FAM209A: variants seen among roughly 807,000 people sequenced by gnomAD.
FAM209A encodes the protein family with sequence similarity 209 member A, also known as protein FAM209A.
FAM209A carries 4 observed loss-of-function variants against 9.8 expected under a neutral mutation model. The observed-to-expected ratio is 0.41, with a 90% confidence interval of 0.20 to 0.94. FAM209A has a LOEUF of 0.94. Ranked by LOEUF, FAM209A falls within the 40% of genes least tolerant of loss-of-function variation. The pLI is 0.32. For missense variants in FAM209A, 205 were observed against 209.4 expected (o/e 0.98, Z 0.13); for synonymous variants, 55 against 77.8 (o/e 0.71, Z 1.54).
rs899986585 is a variant in FAM209A, at chr20:56,524,757, C to T, written c.-52C>T. ...CACCAGGTGCCCAGTCTCCCAGTTG[C>T]GAGGGCAAGCAAACCCGTCATGAGC... is the stretch of plus-strand genomic sequence containing the variant. On this transcript the variant is annotated 5_prime_UTR_variant, in exon 1 of 2. Coordinates refer to ENST00000371328, the MANE Select transcript of FAM209A (RefSeq NM_001012971.4). The T allele has an allele frequency of 6.2e-6, 10 of 1,602,618 alleles. No individual in the cohort carries two copies. The highest frequency in any genetic ancestry group is 2.2e-5 in the South Asian group (2 of 89,428).
rs1985514272 is a variant in FAM209A at position 56,525,975 on chromosome 20, A to G, written c.421A>G (p.Ser141Gly). 1 of 1,614,246 alleles carries G rather than the reference A, an allele frequency of 6.2e-7. No individual in the cohort carries two copies. The highest frequency in any genetic ancestry group is 8.5e-7 in the Non-Finnish European group (1 of 1,180,042). Residue 141 changes from serine to glycine, a missense_variant, in exon 2 of 2, where the codon AGT becomes GGT. By Grantham distance (56) the Ser-to-Gly change is moderately conservative. Transcript: ENST00000371328. ...TCTTAAACGTGCCATGGCAACAGGTAGTGGCAGTAACCTCAGGCTTCGAAA... is the reference window on the plus strand; with the variant it reads ...TCTTAAACGTGCCATGGCAACAGGTGGTGGCAGTAACCTCAGGCTTCGAAA... The part of the protein sequence containing the change: ...RNLKRAMATG[S>G]GSNLRLRKSE...
the FAM209A span, among the ~76,000 whole-genome samples, chr20:56,532,649 A>G: frequency 6.6e-6 from 1 of 151,422 alleles, no homozygotes; most frequent in African/African-American, 2.4e-5. Context: ...ACATCCAGCT[A>G]ATTTTTGTAT....
At chr20:56,532,314 G>A in the FAM209A span, among the ~76,000 whole-genome samples, 3 of 151,944 alleles carry the variant, frequency 2.0e-5, no homozygotes, top group African/African-American at 7.2e-5. Flanking sequence ...ACACACTGCT[G>A]CTGTCAATGA....
At chr20:56,527,568 G>A (rs527866647), downstream of FAM209A, among the ~76,000 whole-genome samples, 8 of 152,312 alleles carry the variant, frequency 5.3e-5, no homozygotes, top group South Asian at 2.1e-4. Flanking sequence ...CTCTGGGGCC[G>A]GTACCCAGTT....
downstream of FAM209A, among the ~76,000 whole-genome samples, chr20:56,530,506 T>A (rs1985705157): frequency 1.3e-5 from 2 of 150,748 alleles, no homozygotes; most frequent in Non-Finnish European, 3.0e-5. Flanking sequence ...AATTTATTCA[T>A]TTTTTTTTAG....
downstream of FAM209A, among the ~76,000 whole-genome samples, chr20:56,528,215 C>T (rs970285470): frequency 2.6e-5 from 4 of 151,458 alleles, no homozygotes; most frequent in South Asian, 4.2e-4. Flanking sequence ...TCTGGGAGGT[C>T]GAGGCTGCAG....
Position 56,524,814 on chromosome 20 carries a change from G to T in FAM209A, c.6G>T (p.Trp2Cys). M[W>C]TLKSSLVLLL... ...CTTCCCCATCTCTGCTCACCATGTG[G>T]ACGCTGAAATCGTCCCTGGTCCTGC... The change falls in exon 1 of 2, where the codon TGG (tryptophan) becomes TGT (cysteine). Residue 2 changes from tryptophan (W) to cysteine (C), a missense_variant. Transcript: ENST00000371328. 6.2e-7 allele frequency: 1 copy of T among 1,614,156 alleles called. No homozygotes were observed. The highest frequency in any genetic ancestry group is 8.5e-7 in the Non-Finnish European group (1 of 1,179,996).
the FAM209A span, among the ~76,000 whole-genome samples, chr20:56,532,777 C>T: frequency 3.3e-5 from 5 of 152,140 alleles, no homozygotes; most frequent in Non-Finnish European, 4.4e-5. Context: ...CTGCCGCGCC[C>T]GGCCACGCTC....
chr20:56,526,332 T>G (rs756273959), downstream of FAM209A, among the ~76,000 whole-genome samples: 30 of 152,212 alleles, frequency 2.0e-4, no homozygotes, highest in Non-Finnish European at 3.8e-4. Flanking sequence ...GTGCTTCTGT[T>G]CAATGGCCGC....
At chr20:56,527,280 C>T (rs1985569814), downstream of FAM209A, among the ~76,000 whole-genome samples, 1 of 151,906 alleles carries the variant, frequency 6.6e-6, no homozygotes, top group South Asian at 2.1e-4. Flanking sequence ...TTCGGGTTGG[C>T]ACTTGTGTTC....
the FAM209A span, among the ~76,000 whole-genome samples, chr20:56,532,900 A>G: frequency 6.6e-6 from 1 of 152,146 alleles, no homozygotes; most frequent in Admixed American, 6.5e-5. Flanking sequence ...CAAACAAAAC[A>G]CATAGGTGGC....
chr20:56,525,738 A>T (rs1348911917), intron 1 of FAM209A, 66 bp from the exon 2 acceptor site: 2 of 1,528,774 alleles, frequency 1.3e-6, no homozygotes, highest in African/African-American at 2.8e-5. Context: ...CTGCTGTTGT[A>T]ACACGAACTG....
At chr20:56,528,505 G>A (rs1342650927), downstream of FAM209A, among the ~76,000 whole-genome samples, 1 of 151,720 alleles carries the variant, frequency 6.6e-6, no homozygotes. Context: ...GGAGGTTGAG[G>A]TGGGAGGATC....
downstream of FAM209A, among the ~76,000 whole-genome samples, chr20:56,530,845 C>G (rs1985720655): frequency 6.6e-6 from 1 of 151,948 alleles, no homozygotes; most frequent in African/African-American, 2.4e-5. Context: ...CCACAGAGCT[C>G]AGTACAATTT....
chr20:56,530,250 G>C (rs965508995), downstream of FAM209A, among the ~76,000 whole-genome samples: 8 of 149,048 alleles, frequency 5.4e-5, no homozygotes, highest in Non-Finnish European at 1.0e-4. Flanking sequence ...GGAGGACAAA[G>C]TCATAGGCAG....
chr20:56,532,480 C>A, the FAM209A span, among the ~76,000 whole-genome samples: 1 of 108,250 alleles, frequency 9.2e-6, no homozygotes, highest in Non-Finnish European at 1.8e-5. Context: ...TTTTCTTTTT[C>A]TTTTTTTTTT....
chr20:56,526,181 C>T, downstream of FAM209A: 1 of 1,435,726 alleles, frequency 7.0e-7, no homozygotes, highest in Non-Finnish European at 9.2e-7. Context: ...TGCTTCTTTT[C>T]TTTTTTTCAC....
Position 56,525,062 on chromosome 20 carries a change from G to T in FAM209A, c.249+5G>T. ...AGAGACAGTGAGAAGAATAAGGTAAGGATGGCTCCATTTTTTTTACACCAT... is the reference window on the plus strand; with the variant it reads ...AGAGACAGTGAGAAGAATAAGGTAATGATGGCTCCATTTTTTTTACACCAT... On this transcript the variant is annotated splice_donor_5th_base_variant and intron_variant, in intron 1 of 1. Transcript: ENST00000371328. 1 of 1,612,278 alleles carries T rather than the reference G, an allele frequency of 6.2e-7. No homozygotes were observed. The highest frequency in any genetic ancestry group is 8.5e-7 in the Non-Finnish European group (1 of 1,179,114).
At chr20:56,531,956 T>TTTCTA in the FAM209A span, among the ~76,000 whole-genome samples, 2 of 135,232 alleles carry the variant, frequency 1.5e-5, no homozygotes, top group African/African-American at 5.7e-5. Flanking sequence ...CTTTTTTTCT[T>TTTCTA]TTCTTTTCTT....
Sources: allele counts gnomAD v4.1 joint callset (sites outside exome capture counted in the v4.1 genomes callset), GRCh38; gene constraint gnomAD v4.1.1; transcripts MANE v1.5; gene names NCBI Gene and HGNC (gene_info 2026-07-23, HGNC 2026-07-21).